Variants in DLG2 observed in about 807,000 individuals in gnomAD.
The protein encoded by DLG2 is discs large MAGUK scaffold protein 2, also known as disks large homolog 2.
A neutral mutation model predicts 132.5 loss-of-function variants in DLG2; 45 were observed. The ratio of observed to expected loss-of-function variants is 0.34; its 90% CI spans 0.27 to 0.44. The LOEUF (loss-of-function observed/expected upper bound fraction) is 0.44. Ranked by LOEUF, DLG2 falls within the 20% of genes least tolerant of loss-of-function variation. The pLI is 1.00. For synonymous variants in DLG2, 424 were observed against 419.6 expected (o/e 1.01, Z -0.13); for missense variants, 1,045 against 1,196.9 (o/e 0.87, Z 1.87).
intron 7 of DLG2, among the ~76,000 whole-genome samples, chr11:84,321,995 T>C (rs997503306): frequency 2.0e-5 from 3 of 152,186 alleles, no homozygotes; most frequent in African/African-American, 7.2e-5. Context: ...AATTACACTA[T>C]AACTTAGTTT....
intron 20 of DLG2, 55 bp downstream of exon 20, chr11:83,541,627 C>A: frequency 7.0e-7 from 1 of 1,426,372 alleles, no homozygotes; most frequent in East Asian, 2.6e-5. Flanking sequence ...CTTCCCTCAT[C>A]TCCACTCGCT....
intron 6 of DLG2, among the ~76,000 whole-genome samples, chr11:84,844,941 A>G (rs576937788): frequency 6.6e-6 from 1 of 152,302 alleles, no homozygotes; most frequent in Admixed American, 6.5e-5. Flanking sequence ...AAGCAAATCC[A>G]GTGAATATGC....
intron 22 of DLG2, among the ~76,000 whole-genome samples, chr11:83,483,534 G>GA (rs927233460): frequency 1.3e-5 from 2 of 151,538 alleles, no homozygotes; most frequent in East Asian, 1.9e-4. Context: ...AAGATTGTAA[G>GA]AAAAAAAAAT....
At chr11:84,041,280 G>A (rs901724666) in intron 11 of DLG2, among the ~76,000 whole-genome samples, 2 of 151,852 alleles carry the variant, frequency 1.3e-5, no homozygotes, top group Non-Finnish European at 2.9e-5. Flanking sequence ...TCACTCATAG[G>A]CAGGTACATA....
At chr11:83,913,883 T>C (rs1250134906) in intron 15 of DLG2, among the ~76,000 whole-genome samples, 1 of 152,184 alleles carries the variant, frequency 6.6e-6, no homozygotes, top group Non-Finnish European at 1.5e-5. Flanking sequence ...CAATGCAGAA[T>C]GCTCCACATG....
intron 12 of DLG2, among the ~76,000 whole-genome samples, chr11:83,974,886 T>G (rs753135706): frequency 3.9e-4 from 60 of 152,162 alleles, no homozygotes; most frequent in Non-Finnish European, 7.5e-4. Context: ...TGTCACTTAC[T>G]ACTTCCCTTT....
chr11:85,467,999 G>A (rs936696702), intron 3 of DLG2, among the ~76,000 whole-genome samples: 1 of 152,160 alleles, frequency 6.6e-6, no homozygotes, highest in African/African-American at 2.4e-5. Context: ...CCTGTTATTG[G>A]TCTATTCAGA....
intron 8 of DLG2, among the ~76,000 whole-genome samples, chr11:84,238,290 G>A (rs12805177): frequency 0.048 from 7,353 of 152,140 alleles, 273 homozygotes; most frequent in Non-Finnish European, 0.076. Context: ...CGAGGTGTGC[G>A]GATTGCTTGA....
At chr11:83,479,858 G>A (rs922666663) in intron 22 of DLG2, among the ~76,000 whole-genome samples, 6 of 152,054 alleles carry the variant, frequency 3.9e-5, no homozygotes, top group African/African-American at 1.4e-4. Context: ...AAATGTCATA[G>A]TATCCTATCT....
chr11:84,406,551 G>A (rs1237519336), intron 7 of DLG2, among the ~76,000 whole-genome samples: 1 of 152,132 alleles, frequency 6.6e-6, no homozygotes, highest in East Asian at 1.9e-4. Flanking sequence ...TATTGGCCAG[G>A]CTGGTTTTGA....
chr11:84,311,497 T>C (rs1274213721), intron 7 of DLG2, among the ~76,000 whole-genome samples: 1 of 152,198 alleles, frequency 6.6e-6, no homozygotes, highest in Non-Finnish European at 1.5e-5. Context: ...AATTCAAATT[T>C]GAGATTGTCT....
intron 6 of DLG2, among the ~76,000 whole-genome samples, chr11:85,023,754 G>A (rs920422147): frequency 9.9e-5 from 15 of 152,082 alleles, no homozygotes; most frequent in Non-Finnish European, 5.9e-5. Context: ...TCATAGGATA[G>A]AGATATATTT....
At chr11:84,012,224 TTTAG>T (rs1388080779) in intron 11 of DLG2, among the ~76,000 whole-genome samples, 1 of 152,136 alleles carries the variant, frequency 6.6e-6, no homozygotes, top group Non-Finnish European at 1.5e-5. Flanking sequence ...CATGAAACAT[TTTAG>T]TTATTGTTTC....
At chr11:83,580,636 TG>T (rs2096954355) in intron 19 of DLG2, among the ~76,000 whole-genome samples, 1 of 152,212 alleles carries the variant, frequency 6.6e-6, no homozygotes, top group Non-Finnish European at 1.5e-5. Flanking sequence ...CACATTACAT[TG>T]GGTGATATAT....
At chr11:84,913,134 A>C (rs1345777895) in intron 6 of DLG2, among the ~76,000 whole-genome samples, 1 of 152,174 alleles carries the variant, frequency 6.6e-6, no homozygotes, top group Non-Finnish European at 1.5e-5. Context: ...AAATGATTTC[A>C]ATGTTTTCAA....
chr11:83,673,772 C>T (rs1286285849), intron 18 of DLG2, among the ~76,000 whole-genome samples: 4 of 152,212 alleles, frequency 2.6e-5, no homozygotes, highest in Non-Finnish European at 5.9e-5. Flanking sequence ...TATAGTGCTA[C>T]TGTGAGAAGT....
At chr11:84,627,353 C>G (rs1404141612) in intron 6 of DLG2, among the ~76,000 whole-genome samples, 1 of 152,094 alleles carries the variant, frequency 6.6e-6, no homozygotes, top group Non-Finnish European at 1.5e-5. Flanking sequence ...TTTCTTGAAC[C>G]CACAAAATAC....
At chr11:84,656,176 G>A (rs1940091) in intron 6 of DLG2, among the ~76,000 whole-genome samples, 25,960 of 152,070 alleles carry the variant, frequency 0.17, 2,878 homozygotes, top group African/African-American at 0.31. Context: ...GGCATGCATC[G>A]ACAGGTTGGA....
At chr11:85,018,346 T>TATAA (rs1429743280) in intron 6 of DLG2, among the ~76,000 whole-genome samples, 7 of 152,174 alleles carry the variant, frequency 4.6e-5, no homozygotes, top group African/African-American at 1.4e-4. Flanking sequence ...CAACACTTTA[T>TATAA]ATGTACCTGG....
Sources: gnomAD v4.1 joint callset for allele counts (sites outside exome capture counted in the v4.1 genomes callset) on GRCh38, gnomAD v4.1.1 for gene constraint, MANE v1.5 for transcripts, NCBI Gene and HGNC (gene_info 2026-07-23, HGNC 2026-07-21) for gene names.